MUC20: variants seen among roughly 807,000 people sequenced by gnomAD.
MUC20 encodes the protein mucin-20.
MUC20 carries 14 observed loss-of-function variants against 23.8 expected under a neutral mutation model. That is an observed-to-expected ratio of 0.59 (90% CI 0.39 to 0.92). The LOEUF (loss-of-function observed/expected upper bound fraction) is 0.92, where lower values mean the gene tolerates loss of function less well. Ranked by LOEUF, MUC20 falls within the 40% of genes least tolerant of loss-of-function variation. MUC20 has a pLI of 0.00. For synonymous variants in MUC20, 166 were observed against 279.3 expected (o/e 0.59, Z 4.04); for missense variants, 375 against 668.8 (o/e 0.56, Z 4.85).
intron 3 of MUC20, among the ~76,000 whole-genome samples, chr3:195,730,579 T>C (rs149567658): frequency 0.017 from 2,559 of 151,734 alleles, no homozygotes; most frequent in African/African-American, 0.058. Context: ...CTCAATCTCC[T>C]GACCTCGTGA....
chr3:195,730,061 G>A, intron 3 of MUC20: 1 of 216,674 alleles, frequency 4.6e-6, no homozygotes, highest in Non-Finnish European at 8.8e-6. Flanking sequence ...CGGACTCTTG[G>A]TTGCAAGTGG....
chr3:195,729,673 G>C lies in MUC20; in HGVS notation c.1995G>C (p.Leu665=), dbSNP rs1713157186. Residue 665 remains leucine, a synonymous_variant, in exon 3 of 4, where the codon CTG becomes CTC. Transcript: ENST00000447234. ...SAGENGGFLL[L]RLSVASPEDL... ...GTGAAAATGGAGGTTTCCTCCTCCT[G>C]CGGCTGAGTGTGGCTTCCCCGGAAG... The C allele has an allele frequency of 6.3e-7, 1 of 1,592,244 alleles. No individual in the cohort carries two copies. The highest frequency in any genetic ancestry group is 8.6e-7 in the Non-Finnish European group (1 of 1,168,290).
chr3:195,731,570 C>T (rs2148708899), intron 3 of MUC20, among the ~76,000 whole-genome samples: 1 of 152,368 alleles, frequency 6.6e-6, no homozygotes, highest in African/African-American at 2.4e-5. Context: ...ATCAGGCTGG[C>T]TGGGACACTG....
At chr3:195,731,995 GTTTTGTTTTGTTTTGTTTTGT>G (rs1713440002) in intron 3 of MUC20, among the ~76,000 whole-genome samples, 1 of 48,100 alleles carries the variant, frequency 2.1e-5, no homozygotes, top group Non-Finnish European at 5.8e-5. Flanking sequence ...GTTTTGTTTT[GTTTTGTTTTGTTTTGTTTTGT>G]TTTCTGAGAC....
intron 3 of MUC20, 49 bp downstream of exon 3, chr3:195,729,788 C>G (rs560389224): frequency 1.0e-5 from 16 of 1,527,108 alleles, no homozygotes; most frequent in Middle Eastern, 3.4e-4. Context: ...GGGCGAGGTT[C>G]GCAGGGGCTG....
In MUC20 at chr3:195,726,470, A is replaced by T; in HGVS notation, c.1867A>T (p.Ser623Cys). 1 of 1,614,068 alleles carries T rather than the reference A, an allele frequency of 6.2e-7. No individual in the cohort carries two copies. The highest frequency in any genetic ancestry group is 1.1e-5 in the South Asian group (1 of 91,092). Residue 623 changes from serine (S) to cysteine (C), a missense_variant, in exon 2 of 4, where the codon AGC (serine) becomes TGC (cysteine). Physicochemically the swap from Ser to Cys is moderately radical, Grantham distance 112. This residue lies in a region of MUC20 where 343 missense variants were observed against 340.2 expected (regional missense o/e 1.01). Coordinates refer to ENST00000447234, the MANE Select transcript of MUC20 (RefSeq NM_001282506.2). ...TTTNSSRGTNSTLAKITTSAK... is the reference protein window; with the variant it reads ...TTTNSSRGTNCTLAKITTSAK... ...AACCAACAGCAGCCGAGGGACGAAC[A>T]GCACCTTAGCCAAGATCACAACCTC...
At chr3:195,732,434 A>G (rs1169760962) in intron 3 of MUC20, among the ~76,000 whole-genome samples, 1 of 151,832 alleles carries the variant, frequency 6.6e-6, no homozygotes, top group African/African-American at 2.4e-5. Flanking sequence ...ATCTCGGCTC[A>G]CTGCAACCTC....
In MUC20 at chr3:195,729,529, T is replaced by TG. The variant is rs1219047839; in HGVS notation, c.1970-117dup. The TG allele has an allele frequency of 9.7e-6, 9 of 925,284 alleles. No individual in the cohort carries two copies. In the African/African-American group the frequency reaches 1.3e-4, roughly 13 times the overall value. 57.3% of individuals were successfully genotyped at this position (925,284 alleles called of 1,614,324 possible). A position where few individuals can be genotyped will look rare whatever the true frequency, so the allele number is the denominator to read the frequency against. Reference sequence around the variant, plus strand: ...CGGGATTTCTCCATGTTGGTCAGGCTGGTCTCAAACTCCCGATCTCAGGTG... The same window carrying TG: ...CGGGATTTCTCCATGTTGGTCAGGCTGGGTCTCAAACTCCCGATCTCAGGTG... On this transcript the variant is annotated intron_variant, in intron 2 of 3. Transcript: ENST00000447234.
intron 3 of MUC20, chr3:195,730,119 AAAAG>A (rs1351970893): frequency 5.3e-6 from 1 of 189,302 alleles, no homozygotes; most frequent in Non-Finnish European, 1.1e-5. Context: ...AAAAAAAAAA[AAAAG>A]GCAAGGTCTG....
At chr3:195,729,774 G>C (rs747206893) in intron 3 of MUC20, 35 bp downstream of exon 3, 21 of 1,560,876 alleles carry the variant, frequency 1.3e-5, no homozygotes, top group Non-Finnish European at 1.7e-5. Flanking sequence ...GGGAGTAGAG[G>C]AAGGGGCGAG....
At chr3:195,730,774 G>T (rs1223911977) in intron 3 of MUC20, among the ~76,000 whole-genome samples, 2 of 152,198 alleles carry the variant, frequency 1.3e-5, no homozygotes, top group Admixed American at 6.5e-5. Context: ...AAATAGGGAG[G>T]CTAGGCAGAA....
At chr3:195,723,536 A>T (rs1712359778) in intron 1 of MUC20, among the ~76,000 whole-genome samples, 1 of 101,664 alleles carries the variant, frequency 9.8e-6, no homozygotes, top group Non-Finnish European at 2.0e-5. Flanking sequence ...TCAGGTAACA[A>T]TTTTTTTTAA....
At chr3:195,728,695 G>A (rs573923669) in intron 2 of MUC20, among the ~76,000 whole-genome samples, 29 of 151,932 alleles carry the variant, frequency 1.9e-4, no homozygotes, top group African/African-American at 7.0e-4. Flanking sequence ...GTCAGCCTGG[G>A]GGACGGTCAG....
At chr3:195,722,748 AG>A in intron 1 of MUC20, 1 of 971,924 alleles carries the variant, frequency 1.0e-6, no homozygotes, top group Non-Finnish European at 1.2e-6. Flanking sequence ...GAAGGCTCAA[AG>A]AAATGATCTC....
At position 195,733,528 on chromosome 3, in the gene MUC20, T is replaced by G. The variant is rs1371298381; in HGVS notation, c.*310T>G. Reference sequence around the variant, plus strand: ...CCCATCTGTGTGCTTCCATCCTGCATTAAAATTCACTCAGTGTGGCCCAGA... The same window carrying G: ...CCCATCTGTGTGCTTCCATCCTGCAGTAAAATTCACTCAGTGTGGCCCAGA... On this transcript the variant is annotated 3_prime_UTR_variant, in exon 4 of 4. Transcript: ENST00000447234. 4 of 1,332,422 alleles carry G rather than the reference T, an allele frequency of 3.0e-6. No homozygotes were observed. Among genetic ancestry groups the G allele is most frequent in the African/African-American group, 1.5e-5 (1 of 68,228 alleles). 82.5% of individuals were successfully genotyped at this position (1,332,422 alleles called of 1,614,324 possible).
At chr3:195,721,258 T>TGA (rs1553838279) in intron 1 of MUC20, among the ~76,000 whole-genome samples, 175 bp downstream of exon 1, 28 of 151,158 alleles carry the variant, frequency 1.9e-4, no homozygotes, top group African/African-American at 3.7e-4. Flanking sequence ...CAAATGACAG[T>TGA]GTGAGTGTAA....
rs373910028 is a variant in MUC20 at position 195,725,039 on chromosome 3, G to A, written c.436G>A (p.Asp146Asn). 2.8e-5 allele frequency: 45 copies of A among 1,600,600 alleles called. 1 individual carries two copies. The highest frequency in any genetic ancestry group is 1.4e-4 in the Admixed American group (8 of 58,992). The stretch of plus-strand genomic sequence containing the variant: ...AGCCATCTTTGACACCCTTTGCACC[G>A]ATGACAGCTCTGAAGAGGCAAAGAC... ...REAIFDTLCT[D>N]DSSEEAKTLT... The change falls in exon 2 of 4, where the codon GAT becomes AAT. Residue 146 changes from aspartate (D) to asparagine (N), a missense_variant. By Grantham distance (23) the Asp-to-Asn change is conservative (BLOSUM62 1). Around this residue, in one of 4 missense-constraint regions of MUC20, gnomAD observed 8 missense variants for 232.8 expected, o/e 0.03. Transcript: ENST00000447234.
intron 1 of MUC20, 64 bp downstream of exon 1, chr3:195,721,147 G>A: frequency 6.7e-7 from 1 of 1,493,500 alleles, no homozygotes. Flanking sequence ...GTGAATTTCA[G>A]TATGAGCCAC....
In MUC20 at chr3:195,726,193, T is replaced by G. The variant is rs2550233; in HGVS notation, c.1590T>G (p.Leu530=). ...TGGTCACAGTTAGCAGGAATCCCCT[T>G]GAAGAAACCTCAGCCCTCTCTGTTG... ...GALVTVSRNP[L]EETSALSVET... Residue 530 remains leucine (L), a synonymous_variant, in exon 2 of 4, where the codon CTT becomes CTG. Transcript: ENST00000447234. 1,340,943 of 1,605,456 alleles carry G rather than the reference T, an allele frequency of 0.84. 548,692 individuals carry two copies. Among genetic ancestry groups the G allele is most frequent in the African/African-American group, 0.97 (72,882 of 74,994 alleles).
Sources: allele counts gnomAD v4.1 joint callset (sites outside exome capture counted in the v4.1 genomes callset), GRCh38; gene constraint gnomAD v4.1.1; regional missense constraint gnomAD v4.1.1; transcripts MANE v1.5; gene names NCBI Gene and HGNC (gene_info 2026-07-23, HGNC 2026-07-21).